SLC41A2: variants seen among roughly 807,000 people sequenced by gnomAD.
SLC41A2 encodes the protein SLC41A1-like 1.
Under a neutral mutation model 58.3 loss-of-function variants are expected in SLC41A2, and 32 were observed. The ratio of observed to expected loss-of-function variants is 0.55; its 90% CI spans 0.41 to 0.74. The LOEUF is 0.74. SLC41A2 is among the 30% of genes least tolerant of loss of function. The pLI is 0.00. For missense variants in SLC41A2, 514 were observed against 680.6 expected (o/e 0.76, Z 2.72); for synonymous variants, 190 against 235.0 (o/e 0.81, Z 1.75).
chr12:104,870,780 A>G (rs1449121620), intron 6 of SLC41A2, among the ~76,000 whole-genome samples: 1 of 152,196 alleles, frequency 6.6e-6, no homozygotes, highest in Non-Finnish European at 1.5e-5. Context: ...CTTCTGAAAC[A>G]TGTAGCTGTT....
intron 2 of SLC41A2, among the ~76,000 whole-genome samples, chr12:104,912,895 G>A (rs776466894): frequency 1.3e-5 from 2 of 152,120 alleles, no homozygotes; most frequent in Non-Finnish European, 1.5e-5. Context: ...AGAACTGACT[G>A]CTTGCTTGGT....
chr12:104,843,058 A>T (rs1475640880), intron 10 of SLC41A2, among the ~76,000 whole-genome samples: 1 of 152,100 alleles, frequency 6.6e-6, no homozygotes, highest in African/African-American at 2.4e-5. Context: ...CAGCAATAAA[A>T]GTAGCAATTT....
chr12:104,861,588 T>C (rs1294037479), intron 7 of SLC41A2, among the ~76,000 whole-genome samples: 1 of 152,200 alleles, frequency 6.6e-6, no homozygotes. Flanking sequence ...AGAATTCTGA[T>C]GTCTAAGATA....
At chr12:104,951,795 T>C (rs1202941284) in intron 1 of SLC41A2, among the ~76,000 whole-genome samples, 1 of 151,092 alleles carries the variant, frequency 6.6e-6, no homozygotes, top group Non-Finnish European at 1.5e-5. Flanking sequence ...GTTTTTGTCA[T>C]TACTTTTAAT....
chr12:104,928,894 C>T (rs1402179488), intron 1 of SLC41A2, among the ~76,000 whole-genome samples, 200 bp from the exon 2 acceptor site: 7 of 152,124 alleles, frequency 4.6e-5, no homozygotes, highest in Admixed American at 3.9e-4. Flanking sequence ...TAATACAGAG[C>T]TATTTTTGTG....
At chr12:104,937,493 C>T (rs1451544765) in intron 1 of SLC41A2, among the ~76,000 whole-genome samples, 1 of 152,162 alleles carries the variant, frequency 6.6e-6, no homozygotes, top group African/African-American at 2.4e-5. Context: ...TGTACTGTAG[C>T]CTAGGAGCGA....
At chr12:104,828,636 C>G (rs1592951338) in intron 10 of SLC41A2, among the ~76,000 whole-genome samples, 1 of 152,208 alleles carries the variant, frequency 6.6e-6, no homozygotes, top group Non-Finnish European at 1.5e-5. Flanking sequence ...GCGAGCCATA[C>G]CCCCATCACA....
chr12:104,917,694 A>G (rs2046389489), intron 2 of SLC41A2, among the ~76,000 whole-genome samples: 1 of 151,320 alleles, frequency 6.6e-6, no homozygotes, highest in African/African-American at 2.4e-5. Flanking sequence ...ATGAAACTGG[A>G]AATCATTCTT....
At chr12:104,936,392 A>G (rs959970819) in intron 1 of SLC41A2, among the ~76,000 whole-genome samples, 7 of 152,186 alleles carry the variant, frequency 4.6e-5, no homozygotes, top group Non-Finnish European at 1.0e-4. Context: ...ATGGAGGCCT[A>G]TGCTAATGTG....
chr12:104,886,872 T>C (rs4388976), intron 5 of SLC41A2, among the ~76,000 whole-genome samples: 111,798 of 151,900 alleles, frequency 0.74, 41,639 homozygotes, highest in African/African-American at 0.85. Context: ...CAGATTTGTT[T>C]ACATATGGCA....
chr12:104,940,057 A>G (rs2047440888), intron 1 of SLC41A2, among the ~76,000 whole-genome samples: 1 of 151,644 alleles, frequency 6.6e-6, no homozygotes. Flanking sequence ...CTTTTTGCCC[A>G]GGCTGGAGTG....
intron 10 of SLC41A2, among the ~76,000 whole-genome samples, chr12:104,840,795 CT>C (rs1216119585): frequency 6.6e-6 from 1 of 152,120 alleles, no homozygotes; most frequent in Non-Finnish European, 1.5e-5. Context: ...AGTAGTTTTT[CT>C]TAAATTTAAA....
chr12:104,853,911 A>ATTATTATTT, intron 8 of SLC41A2, among the ~76,000 whole-genome samples: 86 of 59,470 alleles, frequency 1.4e-3, no homozygotes, highest in Middle Eastern at 0.012. Context: ...TGCCTGGCTG[A>ATTATTATTT]TTTTTTTTTT....
chr12:104,844,519 A>G lies in SLC41A2; in HGVS notation c.1489T>C (p.Leu497=). 1 of 1,567,004 alleles carries G rather than the reference A, an allele frequency of 6.4e-7. No individual in the cohort carries two copies. Among genetic ancestry groups the G allele is most frequent in the South Asian group, 1.2e-5 (1 of 80,106 alleles). The change falls in exon 10 of 11, where the codon TTA becomes CTA. Residue 497 remains leucine (L), a synonymous_variant. Transcript: ENST00000258538. The stretch of plus-strand genomic sequence containing the variant: ...TACACTACTATGAAGATTATAGTTA[A>G]AGAAGTATGACCACTTTTCATCAAA... The part of the protein sequence containing the change: ...IHLMKSGHTS[L]TIIFIVVYLF...
intron 10 of SLC41A2, among the ~76,000 whole-genome samples, chr12:104,821,974 C>T (rs2041655254): frequency 6.6e-6 from 1 of 152,158 alleles, no homozygotes; most frequent in South Asian, 2.1e-4. Flanking sequence ...TGCCTAGTTA[C>T]ACCTGCCATG....
At chr12:104,938,362 T>C (rs549525303) in intron 1 of SLC41A2, among the ~76,000 whole-genome samples, 3 of 152,316 alleles carry the variant, frequency 2.0e-5, no homozygotes, top group South Asian at 4.2e-4. Context: ...CTGTGATGGA[T>C]GTTATTATTA....
chr12:104,888,303 A>G (rs867681803), intron 5 of SLC41A2, among the ~76,000 whole-genome samples: 54 of 152,098 alleles, frequency 3.6e-4, no homozygotes, highest in African/African-American at 1.2e-3. Context: ...TAGCCAAAAA[A>G]GTTAGCTGCA....
intron 10 of SLC41A2, among the ~76,000 whole-genome samples, chr12:104,813,405 T>C (rs2041258138): frequency 6.6e-6 from 1 of 151,918 alleles, no homozygotes. Flanking sequence ...GGTGGGGAAA[T>C]AAGGCACAGG....
Position 104,886,304 on chromosome 12 carries a change from T to C in SLC41A2, c.1016A>G (p.Tyr339Cys). ...AILAWISQGL[Y>C]SCLETYYYIS... is the part of the protein sequence containing the mutation. ...TTAAATCAACTTACCAAGACAGGAG[T>C]ATAAGCCCTGACTTATCCAAGCCAA... The change falls in exon 6 of 11, where the codon TAC becomes TGC. Residue 339 changes from tyrosine to cysteine, a missense_variant. By Grantham distance (194) the Tyr-to-Cys change is radical. Around this residue, in one of 3 missense-constraint regions of SLC41A2, gnomAD observed 336 missense variants for 430.0 expected, o/e 0.78. Transcript: ENST00000258538. 1 of 1,613,226 alleles carries C rather than the reference T, an allele frequency of 6.2e-7. No individual in the cohort carries two copies.
Sources: gnomAD v4.1 joint callset for allele counts (sites outside exome capture counted in the v4.1 genomes callset) on GRCh38, gnomAD v4.1.1 for gene constraint, gnomAD v4.1.1 regional missense constraint, MANE v1.5 for transcripts, NCBI Gene and HGNC (gene_info 2026-07-23, HGNC 2026-07-21) for gene names.